Variants in EPHA7 observed in about 807,000 individuals in gnomAD.
EPHA7 encodes ephrin type-A receptor 7.
In EPHA7, 25 loss-of-function variants were observed where a neutral mutation model predicts 112.6. That is an observed-to-expected ratio of 0.22 (90% CI 0.16 to 0.31). The LOEUF (loss-of-function observed/expected upper bound fraction) is 0.31, where lower values mean the gene tolerates loss of function less well. Ranked by LOEUF, EPHA7 falls within the 10% of genes least tolerant of loss-of-function variation. The probability of loss-of-function intolerance (pLI) is 1.00; values close to 1 mark genes in which losing one functional copy is unlikely to be tolerated. For synonymous variants in EPHA7, 437 were observed against 406.5 expected (o/e 1.07, Z -0.90); for missense variants, 962 against 1,212.6 (o/e 0.79, Z 3.07).
intron 3 of EPHA7, among the ~76,000 whole-genome samples, chr6:93,376,966 A>T (rs1168004144): frequency 3.3e-5 from 5 of 152,214 alleles, no homozygotes; most frequent in Non-Finnish European, 7.3e-5. Context: ...CATTTTACAT[A>T]TAACCACCAT....
intron 5 of EPHA7, among the ~76,000 whole-genome samples, chr6:93,306,427 G>A (rs1773261470): frequency 6.6e-6 from 1 of 151,952 alleles, no homozygotes; most frequent in Non-Finnish European, 1.5e-5. Context: ...ATTAATTAAA[G>A]CAAATAATTT....
intron 3 of EPHA7, among the ~76,000 whole-genome samples, chr6:93,392,367 C>T (rs1019517708): frequency 6.6e-6 from 1 of 151,820 alleles, no homozygotes; most frequent in Non-Finnish European, 1.5e-5. Context: ...TTTCGCCTGG[C>T]TGCCTCAATA....
At chr6:93,396,404 A>C (rs1400943473) in intron 3 of EPHA7, among the ~76,000 whole-genome samples, 1 of 151,882 alleles carries the variant, frequency 6.6e-6, no homozygotes, top group Non-Finnish European at 1.5e-5. Context: ...TAGTGGCTGA[A>C]GCTGTGATAT....
At chr6:93,313,694 A>T (rs1164489897) in intron 5 of EPHA7, among the ~76,000 whole-genome samples, 1 of 152,128 alleles carries the variant, frequency 6.6e-6, no homozygotes, top group Non-Finnish European at 1.5e-5. Context: ...TTAAAAAAAT[A>T]AAAATAAGTA....
intron 13 of EPHA7, 59 bp downstream of exon 13, chr6:93,255,769 C>G: frequency 6.9e-7 from 1 of 1,457,524 alleles, no homozygotes; most frequent in Middle Eastern, 1.8e-4. Context: ...TTAGGTCCTG[C>G]TTTCGTGGTA....
intron 3 of EPHA7, among the ~76,000 whole-genome samples, chr6:93,392,109 T>A (rs894361325): frequency 1.3e-5 from 2 of 151,978 alleles, no homozygotes; most frequent in African/African-American, 4.8e-5. Context: ...TCCTTCCATC[T>A]CAGGATTCTT....
At chr6:93,244,196 G>A (rs919753598) in intron 16 of EPHA7, among the ~76,000 whole-genome samples, 2 of 152,084 alleles carry the variant, frequency 1.3e-5, no homozygotes, top group Non-Finnish European at 2.9e-5. Flanking sequence ...GTCTTTACAA[G>A]CAGCTAAAAT....
intron 12 of EPHA7, 28 bp from the exon 13 acceptor site, chr6:93,256,065 G>A (rs570676976): frequency 6.2e-7 from 1 of 1,600,760 alleles, no homozygotes; most frequent in South Asian, 1.1e-5. Context: ...TAAAAGCCCA[G>A]TTAACTGCAT....
intron 5 of EPHA7, among the ~76,000 whole-genome samples, chr6:93,337,263 G>A (rs1207440937): frequency 6.6e-6 from 1 of 152,156 alleles, no homozygotes; most frequent in Non-Finnish European, 1.5e-5. Context: ...AGGTTCCAGT[G>A]ACTGCACACC....
In EPHA7 at chr6:93,419,412, G is replaced by A. The variant is rs533908726; in HGVS notation, c.-71C>T. The A allele has an allele frequency of 6.8e-5, 89 of 1,303,038 alleles. No individual in the cohort carries two copies. The East Asian group carries it at 2.0e-3, about 29-fold the overall frequency. 80.7% of individuals were successfully genotyped at this position (1,303,038 alleles called of 1,614,324 possible). On this transcript the variant is annotated 5_prime_UTR_variant, in exon 1 of 17. Transcript: ENST00000369303. Reference sequence around the variant, plus strand: ...TGGATTTTTAAATGCTGTTTGTTCCGAAGTAGCTTTTGTTTTATTGTGCTC... The same window carrying A: ...TGGATTTTTAAATGCTGTTTGTTCCAAAGTAGCTTTTGTTTTATTGTGCTC...
chr6:93,257,601 C>T (rs345731), intron 11 of EPHA7, 78 bp from the exon 12 acceptor site: 74,620 of 898,120 alleles, frequency 0.083, 3,541 homozygotes, highest in Admixed American at 0.13. Context: ...CCCAATAAAA[C>T]ACATGGTGTT....
At chr6:93,292,953 A>G (rs79059708) in intron 5 of EPHA7, among the ~76,000 whole-genome samples, 5,091 of 152,266 alleles carry the variant, frequency 0.033, 106 homozygotes, top group Middle Eastern at 0.092. Flanking sequence ...CTGTGGGCAC[A>G]AAGAGGGTAA....
At chr6:93,356,576 A>G in intron 5 of EPHA7, 141 bp downstream of exon 5, 2 of 750,960 alleles carry the variant, frequency 2.7e-6, no homozygotes, top group East Asian at 5.3e-5. Flanking sequence ...GTAACAAGCA[A>G]CAGGAAAAGT....
At chr6:93,415,805 T>G (rs1779193579) in intron 1 of EPHA7, among the ~76,000 whole-genome samples, 1 of 152,138 alleles carries the variant, frequency 6.6e-6, no homozygotes, top group Admixed American at 6.6e-5. Flanking sequence ...ATGTTAAAAT[T>G]TTTACTTAAA....
intron 5 of EPHA7, among the ~76,000 whole-genome samples, chr6:93,352,260 TAAAGA>T (rs1281813775): frequency 6.6e-6 from 1 of 152,098 alleles, no homozygotes; most frequent in Non-Finnish European, 1.5e-5. Context: ...AATGAAGTAT[TAAAGA>T]AAGAAACAGC....
rs533378614 is a variant in EPHA7, at chr6:93,390,623, A to T, written c.832+19878T>A. On this transcript the variant is annotated intron_variant, in intron 3 of 16. Coordinates refer to ENST00000369303, the MANE Select transcript of EPHA7 (RefSeq NM_004440.4). ...CAGGGCTGGGGGGAGTGGGGATATA[A>T]ATGTAGAAAAATTGTAACAATTAGA... is the stretch of plus-strand genomic sequence containing the variant. Among the ~76,000 whole-genome samples the T allele has an allele frequency of 4.6e-5, 7 of 151,728 alleles. No individual in the cohort carries two copies. The South Asian group carries it at 1.5e-3, about 32-fold the overall frequency.
intron 5 of EPHA7, among the ~76,000 whole-genome samples, chr6:93,291,410 C>A (rs574486754): frequency 6.6e-6 from 1 of 152,118 alleles, no homozygotes; most frequent in South Asian, 2.1e-4. Flanking sequence ...ATCACACAGG[C>A]AAATAAAATA....
intron 3 of EPHA7, among the ~76,000 whole-genome samples, chr6:93,368,563 C>A (rs1776626256): frequency 6.6e-6 from 1 of 152,032 alleles, no homozygotes; most frequent in Non-Finnish European, 1.5e-5. Flanking sequence ...TAAAATTGGA[C>A]TATCTTGTGA....
At chr6:93,401,918 AG>A (rs1778453880) in intron 3 of EPHA7, among the ~76,000 whole-genome samples, 1 of 152,062 alleles carries the variant, frequency 6.6e-6, no homozygotes, top group East Asian at 1.9e-4. Flanking sequence ...AATATTTCAT[AG>A]ATTAGTGGTT....
Sources: gnomAD v4.1 joint callset for allele counts (sites outside exome capture counted in the v4.1 genomes callset) on GRCh38, gnomAD v4.1.1 for gene constraint, MANE v1.5 for transcripts, NCBI Gene and HGNC (gene_info 2026-07-23, HGNC 2026-07-21) for gene names.